HERC4: variants seen among roughly 807,000 people sequenced by gnomAD.
The protein encoded by HERC4 is probable E3 ubiquitin-protein ligase HERC4.
HERC4 carries 28 observed loss-of-function variants against 124.3 expected under a neutral mutation model. That is an observed-to-expected ratio of 0.23 (90% CI 0.17 to 0.31). The LOEUF is 0.31. Among genes scored for constraint, HERC4 ranks in the 10% least tolerant of loss-of-function variants. The pLI is 1.00. For missense variants in HERC4, 713 were observed against 1,229.3 expected (o/e 0.58, Z 6.28); for synonymous variants, 407 against 421.5 (o/e 0.97, Z 0.42).
At chr10:68,008,808 A>C (rs2037748096) in intron 9 of HERC4, among the ~76,000 whole-genome samples, 1 of 152,200 alleles carries the variant, frequency 6.6e-6, no homozygotes, top group Admixed American at 6.5e-5. Flanking sequence ...AGATAAACAA[A>C]ATGTGGTATA....
intron 15 of HERC4, among the ~76,000 whole-genome samples, chr10:67,972,779 CAACA>C (rs1417337056): frequency 6.6e-6 from 1 of 152,022 alleles, no homozygotes; most frequent in Non-Finnish European, 1.5e-5. Flanking sequence ...TAGCAAGACT[CAACA>C]AACAATTGCA....
chr10:67,946,723 A>G (rs890482883), intron 19 of HERC4, among the ~76,000 whole-genome samples: 4 of 152,132 alleles, frequency 2.6e-5, no homozygotes, highest in African/African-American at 9.7e-5. Context: ...CCTGGCCAAC[A>G]TGGTGAAACC....
At chr10:68,061,532 CAAAAAAAAAAAA>C (rs59169970) in intron 3 of HERC4, among the ~76,000 whole-genome samples, 17 of 14,000 alleles carry the variant, frequency 1.2e-3, no homozygotes, top group Non-Finnish European at 1.7e-3. Flanking sequence ...GACTCCGTCT[CAAAAAAAAAAAA>C]AAAAAAAAAA....
At chr10:68,065,369 T>C (rs2041249326) in intron 3 of HERC4, among the ~76,000 whole-genome samples, 2 of 152,222 alleles carry the variant, frequency 1.3e-5, no homozygotes, top group Middle Eastern at 3.4e-3. Flanking sequence ...AACTTAGATA[T>C]GAATAAAAAA....
intron 16 of HERC4, chr10:67,964,645 A>C (rs1250560603): frequency 1.3e-5 from 2 of 152,212 alleles, no homozygotes; most frequent in Non-Finnish European, 2.9e-5. Flanking sequence ...CCTGTTTATC[A>C]TTAACACTTT....
chr10:67,987,923 A>C (rs2036350725), intron 15 of HERC4: 2 of 152,058 alleles, frequency 1.3e-5, no homozygotes, highest in Non-Finnish European at 2.9e-5. Context: ...CTAAAGATTA[A>C]AGGTTCATGT....
At chr10:67,963,630 T>G (rs2034665608) in intron 16 of HERC4, among the ~76,000 whole-genome samples, 1 of 152,214 alleles carries the variant, frequency 6.6e-6, no homozygotes, top group African/African-American at 2.4e-5. Flanking sequence ...AAGTGAACAC[T>G]GGGCTTCTTA....
At chr10:67,958,693 T>C (rs1302197677) in intron 16 of HERC4, among the ~76,000 whole-genome samples, 1 of 152,216 alleles carries the variant, frequency 6.6e-6, no homozygotes, top group East Asian at 1.9e-4. Flanking sequence ...GTGACCATTC[T>C]GAGTATCAAT....
In HERC4 at chr10:67,951,671, C is replaced by T. The variant is rs79127437; in HGVS notation, c.2337+2924G>A. Among the ~76,000 whole-genome samples the T allele has an allele frequency of 1.4e-4, 22 of 152,302 alleles. No homozygotes were observed. In the East Asian group the frequency reaches 4.0e-3, roughly 28 times the overall value. The stretch of plus-strand genomic sequence containing the variant: ...TTTTCAATCCTTCATATGATTGCGT[C>T]TAGAGCTAAGGTAGGTCTCCTTGCT... On this transcript the variant is annotated intron_variant, in intron 19 of 24. Coordinates refer to ENST00000373700, the MANE Select transcript of HERC4 (RefSeq NM_015601.4).
intron 8 of HERC4, among the ~76,000 whole-genome samples, chr10:68,016,102 CA>C (rs2133156526): frequency 6.6e-6 from 1 of 152,106 alleles, no homozygotes; most frequent in African/African-American, 2.4e-5. Flanking sequence ...GACTCAGTCT[CA>C]AAAATATATG....
intron 19 of HERC4, among the ~76,000 whole-genome samples, chr10:67,951,233 C>T (rs980100144): frequency 6.6e-6 from 1 of 152,102 alleles, no homozygotes; most frequent in Admixed American, 6.6e-5. Flanking sequence ...ACCTCATATG[C>T]CCTCTCAAAT....
intron 9 of HERC4, among the ~76,000 whole-genome samples, chr10:68,002,880 C>G (rs584613): frequency 0.54 from 81,200 of 151,574 alleles, 23,427 homozygotes; most frequent in Non-Finnish European, 0.66. Context: ...GATTACAAGC[C>G]TGAGCCACCG....
At chr10:67,960,203 G>A (rs575484212) in intron 16 of HERC4, among the ~76,000 whole-genome samples, 1 of 152,132 alleles carries the variant, frequency 6.6e-6, no homozygotes, top group Non-Finnish European at 1.5e-5. Context: ...GAGCTTCTTT[G>A]GCTAGAAATA....
At chr10:67,994,277 A>G (rs1226077043) in intron 9 of HERC4, 1 of 152,232 alleles carries the variant, frequency 6.6e-6, no homozygotes, top group Non-Finnish European at 1.5e-5. Flanking sequence ...CAAAAGATTT[A>G]GCAGGATGTT....
intron 16 of HERC4, among the ~76,000 whole-genome samples, chr10:67,958,957 A>G (rs2034319647): frequency 6.6e-6 from 1 of 152,154 alleles, no homozygotes; most frequent in African/African-American, 2.4e-5. Context: ...ATACAAGATA[A>G]TCTCTACAGA....
intron 8 of HERC4, among the ~76,000 whole-genome samples, chr10:68,022,204 G>A (rs76358545): frequency 1.3e-5 from 2 of 152,190 alleles, no homozygotes; most frequent in East Asian, 3.9e-4. Context: ...CTACCCAAAA[G>A]AATGTACAGA....
chr10:68,036,741 C>T (rs2039492734), intron 5 of HERC4, among the ~76,000 whole-genome samples: 1 of 152,178 alleles, frequency 6.6e-6, no homozygotes, highest in South Asian at 2.1e-4. Flanking sequence ...CCTTGTTCTT[C>T]TCAACATTTC....
rs191115668 is a variant in HERC4, at chr10:67,992,352, G to A, written c.1147-29C>T. The A allele has an allele frequency of 1.3e-3, 2,066 of 1,607,878 alleles. 9 individuals carry two copies. Among genetic ancestry groups the A allele is most frequent in the South Asian group, 3.8e-3 (341 of 90,360 alleles). On this transcript the variant is annotated intron_variant, in intron 10 of 24. Coordinates refer to ENST00000373700, the MANE Select transcript of HERC4 (RefSeq NM_015601.4). The stretch of plus-strand genomic sequence containing the variant: ...AATTTTCAAATAAGATTAGTCAGAG[G>A]GAAGAGATATTATATATAACTCAAA...
intron 8 of HERC4, among the ~76,000 whole-genome samples, chr10:68,019,029 T>C (rs916831375): frequency 1.7e-4 from 24 of 137,388 alleles, no homozygotes; most frequent in African/African-American, 6.3e-4. Context: ...GGAGTTTCAC[T>C]CTTGTTGCCC....
Sources: gnomAD v4.1 joint callset for allele counts (sites outside exome capture counted in the v4.1 genomes callset) on GRCh38, gnomAD v4.1.1 for gene constraint, MANE v1.5 for transcripts, NCBI Gene and HGNC (gene_info 2026-07-23, HGNC 2026-07-21) for gene names.